Variants in ZNF248 observed in about 807,000 individuals in gnomAD.
The protein encoded by ZNF248 is KRAB protein domain.
ZNF248 carries 20 observed loss-of-function variants against 44.3 expected under a neutral mutation model. That is an observed-to-expected ratio of 0.45 (90% CI 0.32 to 0.66). The LOEUF is 0.66. Ranked by LOEUF, ZNF248 falls within the 30% of genes least tolerant of loss-of-function variation. The pLI, the probability that ZNF248 is intolerant of heterozygous loss-of-function variation, is 0.04. For missense variants in ZNF248, 654 were observed against 677.0 expected, an observed-to-expected ratio of 0.97 and a Z score of 0.38; for synonymous variants, 224 against 229.0, an observed-to-expected ratio of 0.98 and a Z score of 0.20.
At chr10:37,856,004 C>G (rs2061224042) in intron 3 of ZNF248, among the ~76,000 whole-genome samples, 1 of 152,224 alleles carries the variant, frequency 6.6e-6, no homozygotes, top group Non-Finnish European at 1.5e-5. Flanking sequence ...TGCTCTGTAA[C>G]TGTGTTCTTT....
downstream of ZNF248, among the ~76,000 whole-genome samples, chr10:37,775,748 C>T (rs1302493970): frequency 6.6e-6 from 1 of 152,206 alleles, no homozygotes; most frequent in Non-Finnish European, 1.5e-5. Flanking sequence ...AGGTGAAATA[C>T]TCAGGATATT....
At chr10:37,817,267 A>C (rs968397509) in intron 6 of ZNF248, among the ~76,000 whole-genome samples, 4 of 151,986 alleles carry the variant, frequency 2.6e-5, no homozygotes, top group African/African-American at 9.7e-5. Flanking sequence ...GTTCCTAATG[A>C]CTTTTAGTAG....
chr10:37,834,615 T>TAA (rs777608371), intron 5 of ZNF248, among the ~76,000 whole-genome samples: 10 of 152,134 alleles, frequency 6.6e-5, no homozygotes, highest in Non-Finnish European at 4.4e-5. Context: ...TAAGCAACCC[T>TAA]AAGCCATATG....
At chr10:37,791,404 T>G (rs1291706724) in intron 6 of ZNF248, among the ~76,000 whole-genome samples, 1 of 152,196 alleles carries the variant, frequency 6.6e-6, no homozygotes, top group Non-Finnish European at 1.5e-5. Flanking sequence ...AATACACTGA[T>G]ACAAAAATGT....
intron 6 of ZNF248, among the ~76,000 whole-genome samples, chr10:37,823,539 C>A (rs540762433): frequency 6.6e-5 from 10 of 151,970 alleles, no homozygotes; most frequent in Non-Finnish European, 1.2e-4. Context: ...AAGATACAGA[C>A]TAAAGCTTGA....
At position 37,819,555 on chromosome 10, in the gene ZNF248, G is replaced by C. The variant is rs2053119809; in HGVS notation, c.330+13470C>G. The C allele has an allele frequency of 9.4e-5, 89 of 945,850 alleles. 3 individuals carry two copies. In the South Asian group the frequency reaches 1.1e-3, roughly 12 times the overall value. 58.6% of individuals were successfully genotyped at this position (945,850 alleles called of 1,614,324 possible). A position where few individuals can be genotyped will look rare whatever the true frequency, so the allele number is the denominator to read the frequency against. On this transcript the variant is annotated intron_variant, in intron 6 of 6. Transcript: ENST00000615949. ...AACAAATATCTGTCATTTAGCATTG[G>C]ATGATCTTTAAATTGTGAGTTATCT...
At chr10:37,792,539 A>C (rs1038760462) in intron 6 of ZNF248, among the ~76,000 whole-genome samples, 1 of 152,230 alleles carries the variant, frequency 6.6e-6, no homozygotes, top group African/African-American at 2.4e-5. Flanking sequence ...ATGGAAAGGA[A>C]AACACTGTAA....
rs2055641845 is a variant in ZNF248, at chr10:37,831,582, C to T, written c.*33G>A. On this transcript the variant is annotated 3_prime_UTR_variant, in exon 6 of 6. Coordinates refer to ENST00000395867, the MANE Select transcript of ZNF248 (RefSeq NM_021045.3). ...GATCTCCTTTTTTGAAACTGTATAA[C>T]CAATTTCACAAGTGTATGAAGGCTT... 1 of 1,592,604 alleles carries T rather than the reference C, an allele frequency of 6.3e-7. No individual in the cohort carries two copies. Among genetic ancestry groups the T allele is most frequent in the Non-Finnish European group, 8.6e-7 (1 of 1,168,778 alleles).
chr10:37,802,766 T>G (rs1401200701), intron 6 of ZNF248: 1 of 152,208 alleles, frequency 6.6e-6, no homozygotes, highest in Non-Finnish European at 1.5e-5. Context: ...CAAAAGGATC[T>G]TTTAATTTTA....
At chr10:37,793,867 A>C (rs2048838515) in intron 6 of ZNF248, among the ~76,000 whole-genome samples, 2 of 152,164 alleles carry the variant, frequency 1.3e-5, no homozygotes, top group Admixed American at 1.3e-4. Context: ...AAAAACTGTG[A>C]TGACATTTCT....
chr10:37,817,215 G>A (rs576798211), intron 6 of ZNF248, among the ~76,000 whole-genome samples: 9 of 152,160 alleles, frequency 5.9e-5, no homozygotes, highest in South Asian at 2.1e-4. Context: ...GGAGGAAGAC[G>A]GGAGGGCACT....
chr10:37,819,057 C>A (rs2053037801), intron 6 of ZNF248: 2 of 799,444 alleles, frequency 2.5e-6, no homozygotes, highest in Admixed American at 1.7e-5. Flanking sequence ...TAGCTATCAT[C>A]ATCCATGATC....
chr10:37,844,848 G>C (rs1272629195), intron 3 of ZNF248, among the ~76,000 whole-genome samples: 1 of 152,172 alleles, frequency 6.6e-6, no homozygotes, highest in African/African-American at 2.4e-5. Flanking sequence ...GCAACTGGCA[G>C]AAGTGAGTCC....
At chr10:37,786,693 T>C (rs370381907) in intron 6 of ZNF248, among the ~76,000 whole-genome samples, 3 of 152,334 alleles carry the variant, frequency 2.0e-5, no homozygotes, top group African/African-American at 4.8e-5. Context: ...AAGTATAATA[T>C]AGTTTACAGC....
intron 3 of ZNF248, among the ~76,000 whole-genome samples, chr10:37,839,155 T>G (rs1424860992): frequency 6.6e-6 from 1 of 152,218 alleles, no homozygotes; most frequent in Non-Finnish European, 1.5e-5. Flanking sequence ...TACCTGTGAC[T>G]AGCCTCTAAT....
intron 6 of ZNF248, among the ~76,000 whole-genome samples, chr10:37,792,187 C>A (rs1051271006): frequency 6.6e-6 from 1 of 152,164 alleles, no homozygotes; most frequent in Admixed American, 6.5e-5. Flanking sequence ...TGCCAAGACA[C>A]AGGTCAGCCT....
chr10:37,834,427 T>C (rs979003241), intron 5 of ZNF248, among the ~76,000 whole-genome samples: 2 of 152,118 alleles, frequency 1.3e-5, no homozygotes, highest in African/African-American at 4.8e-5. Flanking sequence ...GAAGACAAAA[T>C]ATGGGAATAT....
chr10:37,843,947 T>C (rs761887768), intron 3 of ZNF248, among the ~76,000 whole-genome samples: 8 of 151,988 alleles, frequency 5.3e-5, no homozygotes, highest in Non-Finnish European at 7.4e-5. Context: ...CTATCTATCA[T>C]ACAATTACAG....
chr10:37,764,530 G>A, the ZNF248 span, among the ~76,000 whole-genome samples: 1 of 152,080 alleles, frequency 6.6e-6, no homozygotes, highest in Non-Finnish European at 1.5e-5. Context: ...CTCCCCTTTT[G>A]AAAATCACTA....
Sources: gnomAD v4.1 joint callset for allele counts (sites outside exome capture counted in the v4.1 genomes callset) on GRCh38, gnomAD v4.1.1 for gene constraint, MANE v1.5 for transcripts, NCBI Gene and HGNC (gene_info 2026-07-23, HGNC 2026-07-21) for gene names.